PAPPA: variants seen among roughly 807,000 people sequenced by gnomAD.
PAPPA encodes the protein pappalysin-1.
A neutral mutation model predicts 164.0 loss-of-function variants in PAPPA; 60 were observed. The ratio of observed to expected loss-of-function variants is 0.37; its 90% CI spans 0.30 to 0.45. PAPPA has a LOEUF of 0.45. Ranked by LOEUF, PAPPA falls within the 20% of genes least tolerant of loss-of-function variation. The probability of loss-of-function intolerance (pLI) is 1.00; values close to 1 mark genes in which losing one functional copy is unlikely to be tolerated. For missense variants in PAPPA, 1,782 were observed against 2,087.3 expected (o/e 0.85, Z 2.85); for synonymous variants, 875 against 814.1 (o/e 1.07, Z -1.27).
At chr9:116,165,479 A>G (rs1843710620) in intron 1 of PAPPA, among the ~76,000 whole-genome samples, 1 of 152,174 alleles carries the variant, frequency 6.6e-6, no homozygotes, top group Non-Finnish European at 1.5e-5. Context: ...TAATGTTTAT[A>G]GACAAACTCT....
chr9:116,185,179 C>T (rs905711206), intron 1 of PAPPA, among the ~76,000 whole-genome samples: 1 of 152,140 alleles, frequency 6.6e-6, no homozygotes, highest in Admixed American at 6.5e-5. Context: ...CGCTCCTTTA[C>T]CAGATAGAGA....
At position 116,178,485 on chromosome 9, in the gene PAPPA, G is replaced by T. The variant is rs191130546; in HGVS notation, c.416-8669G>T. 1.5e-3 allele frequency among the ~76,000 whole-genome samples: 226 copies of T among 152,236 alleles called. 3 individuals carry two copies. In the South Asian group the frequency reaches 0.019, roughly 13 times the overall value. ...CCCATTCTATGCAAATGAGCCTTTG[G>T]ATTCTCTTACTAAATCCTCGAAATG... On this transcript the variant is annotated intron_variant, in intron 1 of 21. Coordinates refer to ENST00000328252, the MANE Select transcript of PAPPA (RefSeq NM_002581.5).
chr9:116,171,800 A>G (rs931402993), intron 1 of PAPPA, among the ~76,000 whole-genome samples: 1 of 152,280 alleles, frequency 6.6e-6, no homozygotes, highest in South Asian at 2.1e-4. Flanking sequence ...GGCATTATGG[A>G]TATCTAGGAG....
At chr9:116,191,371 C>T (rs548309971) in intron 2 of PAPPA, among the ~76,000 whole-genome samples, 8 of 152,242 alleles carry the variant, frequency 5.3e-5, no homozygotes, top group South Asian at 4.1e-4. Context: ...CTGGTGGAGA[C>T]GGTGGCCTTG....
intron 12 of PAPPA, 43 bp from the exon 13 acceptor site, chr9:116,334,818 A>G (rs1438588815): frequency 6.7e-7 from 1 of 1,489,966 alleles, no homozygotes; most frequent in South Asian, 1.1e-5. Flanking sequence ...ACTGGCCTTG[A>G]GTAATGAGCC....
intron 2 of PAPPA, among the ~76,000 whole-genome samples, chr9:116,206,338 C>T (rs1844235376): frequency 6.6e-6 from 1 of 152,124 alleles, no homozygotes; most frequent in Admixed American, 6.6e-5. Flanking sequence ...GCGGCCTTGA[C>T]ACGCTAGATC....
chr9:116,374,424 C>T lies in PAPPA; in HGVS notation c.4606-3152C>T, dbSNP rs75344606. ...GAGATCTCCCAACTTCTCCTGTAAA[C>T]AGCCTAGCCAATCCTTCAGCTCCCA... On this transcript the variant is annotated intron_variant, in intron 19 of 21. Coordinates refer to ENST00000328252, the MANE Select transcript of PAPPA (RefSeq NM_002581.5). Among the ~76,000 whole-genome samples, 291 of 152,292 alleles carry T rather than the reference C, an allele frequency of 1.9e-3. 15 individuals are homozygous for T. In the East Asian group the frequency reaches 0.051, roughly 27 times the overall value.
intron 19 of PAPPA, among the ~76,000 whole-genome samples, chr9:116,369,944 T>C (rs760334091): frequency 2.6e-5 from 4 of 151,886 alleles, no homozygotes; most frequent in Admixed American, 6.6e-5. Flanking sequence ...AGGGCAGAGA[T>C]TGATGATTTC....
Position 116,190,137 on chromosome 9 carries a change from T to G in PAPPA, c.1478+1921T>G, listed in dbSNP as rs551631543. On this transcript the variant is annotated intron_variant, in intron 2 of 21. Coordinates refer to ENST00000328252, the MANE Select transcript of PAPPA (RefSeq NM_002581.5). Reference sequence around the variant, plus strand: ...TGACTGATGGGAAATAGAGGAAACTTAGAGAGTGGAGTAACTTAGCTAAGT... The same window carrying G: ...TGACTGATGGGAAATAGAGGAAACTGAGAGAGTGGAGTAACTTAGCTAAGT... Among the ~76,000 whole-genome samples, 13 of 152,230 alleles carry G rather than the reference T, an allele frequency of 8.5e-5. No homozygotes were observed. The East Asian group carries it at 2.5e-3, about 29-fold the overall frequency.
At chr9:116,213,700 G>A (rs1844337567) in intron 4 of PAPPA, among the ~76,000 whole-genome samples, 1 of 152,082 alleles carries the variant, frequency 6.6e-6, no homozygotes, top group Non-Finnish European at 1.5e-5. Context: ...GATCTAAAGG[G>A]TGATTGATTT....
intron 20 of PAPPA, among the ~76,000 whole-genome samples, chr9:116,379,590 C>CTAAA (rs1262099345): frequency 6.9e-6 from 1 of 145,622 alleles, no homozygotes; most frequent in Non-Finnish European, 1.5e-5. Context: ...CATCGTTTTA[C>CTAAA]TAAATAAACA....
chr9:116,299,553 G>C (rs1406550909), intron 9 of PAPPA, among the ~76,000 whole-genome samples: 1 of 152,174 alleles, frequency 6.6e-6, no homozygotes, highest in Non-Finnish European at 1.5e-5. Context: ...CCCTTACAGA[G>C]AACATAATCT....
At chr9:116,219,615 C>A (rs1844417435) in intron 4 of PAPPA, among the ~76,000 whole-genome samples, 1 of 152,064 alleles carries the variant, frequency 6.6e-6, no homozygotes, top group Non-Finnish European at 1.5e-5. Flanking sequence ...ATTTGGGGGC[C>A]ATGGGAAATA....
chr9:116,257,816 A>G (rs1255545424), intron 7 of PAPPA, among the ~76,000 whole-genome samples: 1 of 152,018 alleles, frequency 6.6e-6, no homozygotes, highest in Non-Finnish European at 1.5e-5. Context: ...TAGAACAAAT[A>G]AAACAGTCTA....
intron 1 of PAPPA, among the ~76,000 whole-genome samples, chr9:116,157,970 G>A (rs754411869): frequency 4.8e-4 from 73 of 152,206 alleles, no homozygotes; most frequent in Non-Finnish European, 8.4e-4. Flanking sequence ...GAGGCCTTGA[G>A]CAGCAGTTAA....
rs540722359 is a variant in PAPPA at position 116,368,872 on chromosome 9, G to A, written c.4605+1118G>A. Among the ~76,000 whole-genome samples, 14 of 152,218 alleles carry A rather than the reference G, an allele frequency of 9.2e-5. No individual in the cohort carries two copies. In the East Asian group the frequency reaches 2.5e-3, roughly 27 times the overall value. ...ACTGGGTGTACTGTTTCTCAAATGC[G>A]CTGAGGGCACGATTGCCAGGGCTTA... is the stretch of plus-strand genomic sequence containing the variant. On this transcript the variant is annotated intron_variant, in intron 19 of 21. Transcript: ENST00000328252.
intron 1 of PAPPA, among the ~76,000 whole-genome samples, chr9:116,160,719 C>T (rs1843656488): frequency 1.3e-5 from 2 of 152,170 alleles, no homozygotes; most frequent in African/African-American, 4.8e-5. Context: ...AACTTAGTTC[C>T]CTTTCCCTAA....
Position 116,249,936 on chromosome 9 carries a change from G to C in PAPPA, c.2732+14299G>C, listed in dbSNP as rs146620092. Among the ~76,000 whole-genome samples, 746 of 152,210 alleles carry C rather than the reference G, an allele frequency of 4.9e-3. 9 individuals carry two copies. The highest frequency in any genetic ancestry group is 0.017 in the African/African-American group (726 of 41,528). On this transcript the variant is annotated intron_variant, in intron 7 of 21. Coordinates refer to ENST00000328252, the MANE Select transcript of PAPPA (RefSeq NM_002581.5). Reference sequence around the variant, plus strand: ...ATTTCTTTCCTATGCAGAGATGCAGGAGCAATTGAGGCATACATATGCATG... The same window carrying C: ...ATTTCTTTCCTATGCAGAGATGCAGCAGCAATTGAGGCATACATATGCATG...
Position 116,362,579 on chromosome 9 carries a change from C to G in PAPPA, c.4348-13C>G. On this transcript the variant is annotated splice_polypyrimidine_tract_variant and intron_variant, in intron 17 of 21. Coordinates refer to ENST00000328252, the MANE Select transcript of PAPPA (RefSeq NM_002581.5). The stretch of plus-strand genomic sequence containing the variant: ...GTCTCTCTTGGTCCTAACTCTGTTT[C>G]TCTGTTGTTCAGGGACTTGGGAGCA... 2 of 1,611,236 alleles carry G rather than the reference C, an allele frequency of 1.2e-6. No homozygotes were observed. Among genetic ancestry groups the G allele is most frequent in the South Asian group, 1.1e-5 (1 of 90,448 alleles).
Sources: allele counts gnomAD v4.1 joint callset (sites outside exome capture counted in the v4.1 genomes callset), GRCh38; gene constraint gnomAD v4.1.1; transcripts MANE v1.5; gene names NCBI Gene and HGNC (gene_info 2026-07-23, HGNC 2026-07-21).